The following PDCD6 variants were observed in gnomAD, a reference collection of about 807,000 sequenced individuals.
PDCD6 encodes the protein programmed cell death 6.
A neutral mutation model predicts 28.3 loss-of-function variants in PDCD6; 12 were observed. That is an observed-to-expected ratio of 0.42 (90% confidence interval 0.27 to 0.69). The LOEUF (loss-of-function observed/expected upper bound fraction) is 0.69, where lower values mean the gene tolerates loss of function less well. PDCD6 is among the 30% of genes least tolerant of loss of function. PDCD6 has a pLI of 0.22. For synonymous variants in PDCD6, 92 were observed against 108.0 expected, an observed-to-expected ratio of 0.85 and a Z score of 0.92; for missense variants, 226 against 269.9, an observed-to-expected ratio of 0.84 and a Z score of 1.14.
intron 2 of PDCD6, among the ~76,000 whole-genome samples, chr5:291,778 A>G (rs1467947036): frequency 6.6e-6 from 1 of 152,164 alleles, no homozygotes; most frequent in Non-Finnish European, 1.5e-5. Flanking sequence ...TGAGGGGAGC[A>G]TGGGAAATGT....
chr5:272,579 C>G (rs147791113), intron 1 of PDCD6, 132 bp from the exon 2 acceptor site: 199,575 of 1,029,900 alleles, frequency 0.19, 22,099 homozygotes, highest in African/African-American at 0.44. Flanking sequence ...CGCTGTACTC[C>G]TCAGCGGGAC....
intron 2 of PDCD6, among the ~76,000 whole-genome samples, chr5:279,614 A>G (rs555654035): frequency 8.5e-5 from 13 of 152,146 alleles, no homozygotes; most frequent in African/African-American, 1.4e-4. Flanking sequence ...GCATTTCTCT[A>G]TCAGTCAGTT....
At chr5:299,316 G>A (rs1227481433) in intron 2 of PDCD6, among the ~76,000 whole-genome samples, 9 of 91,848 alleles carry the variant, frequency 9.8e-5, no homozygotes, top group Admixed American at 8.1e-4. Context: ...TGGGGCACCC[G>A]TTCCTGTGGC....
intron 2 of PDCD6, among the ~76,000 whole-genome samples, chr5:285,216 G>A (rs1158262888): frequency 1.3e-5 from 2 of 151,080 alleles, no homozygotes; most frequent in East Asian, 4.0e-4. Flanking sequence ...TAGTTTTAGG[G>A]CCGTGAAGCT....
chr5:274,915 A>T (rs1738090646), intron 2 of PDCD6, among the ~76,000 whole-genome samples: 1 of 152,142 alleles, frequency 6.6e-6, no homozygotes, highest in Admixed American at 6.5e-5. Context: ...TGCTTGAGAG[A>T]ATTGCCTGAT....
intron 4 of PDCD6, chr5:309,596 T>A (rs1740764045): frequency 1.3e-5 from 3 of 230,456 alleles, no homozygotes; most frequent in African/African-American, 8.2e-5. Context: ...ATGGCCGCCG[T>A]CCCCGTGCAC....
intron 2 of PDCD6, among the ~76,000 whole-genome samples, chr5:294,371 C>G (rs1238132476): frequency 1.4e-4 from 21 of 151,264 alleles, no homozygotes; most frequent in Non-Finnish European, 1.5e-5. Context: ...GTAAAAGCCC[C>G]AGTATTAAAG....
chr5:301,970 C>T (rs1461439719), intron 2 of PDCD6, among the ~76,000 whole-genome samples: 1 of 148,878 alleles, frequency 6.7e-6, no homozygotes, highest in African/African-American at 2.5e-5. Context: ...TCATCGAGTG[C>T]TGCTGTGTGT....
At chr5:272,474 A>G (rs1737890857) in intron 1 of PDCD6, among the ~76,000 whole-genome samples, 1 of 140,340 alleles carries the variant, frequency 7.1e-6, no homozygotes, top group Non-Finnish European at 1.5e-5. Flanking sequence ...CAGACAGGCC[A>G]GGAGAGGAAG....
intron 1 of PDCD6, among the ~76,000 whole-genome samples, chr5:272,038 G>A (rs1190642806): frequency 6.6e-6 from 1 of 151,790 alleles, no homozygotes; most frequent in African/African-American, 2.4e-5. Context: ...GTCCCCCGCG[G>A]TCTCCCCCGT....
intron 4 of PDCD6, chr5:310,710 AC>A (rs1740852308): frequency 6.5e-6 from 1 of 153,804 alleles, no homozygotes; most frequent in Non-Finnish European, 1.4e-5. Context: ...TTCCGAGGTC[AC>A]CCTGCCACTG....
intron 2 of PDCD6, among the ~76,000 whole-genome samples, chr5:290,653 G>C (rs1739260747): frequency 6.6e-6 from 1 of 152,222 alleles, no homozygotes; most frequent in South Asian, 2.1e-4. Flanking sequence ...CATTTTTCCT[G>C]TGAGGTTTCG....
At chr5:308,473 T>A (rs958508223) in intron 4 of PDCD6, 1 of 152,098 alleles carries the variant, frequency 6.6e-6, no homozygotes, top group Non-Finnish European at 1.5e-5. Flanking sequence ...TTTCCTGGGG[T>A]GCGGCATCCC....
Position 285,801 on chromosome 5 carries a change from G to A in PDCD6, c.163+13029G>A, listed in dbSNP as rs529364037. 5.9e-5 allele frequency among the ~76,000 whole-genome samples: 9 copies of A among 151,826 alleles called. No homozygotes were observed. The South Asian group carries it at 1.9e-3, about 32-fold the overall frequency. ...GAGATGTGCAGATGGAGACCCAGTG[G>A]GGGAGCTGATGTTCCAGTTTGAGGG... is the stretch of plus-strand genomic sequence containing the variant. On this transcript the variant is annotated intron_variant, in intron 2 of 5. Coordinates refer to ENST00000264933, the MANE Select transcript of PDCD6 (RefSeq NM_013232.4).
chr5:309,987 G>A lies in PDCD6; in HGVS notation c.368-1306G>A, dbSNP rs191249044. ...CCCGTGCACACCAGTGATGGCCGCCGTGCCCGTGCACCCCAGTGATGGCCG... is the reference window on the plus strand; with the variant it reads ...CCCGTGCACACCAGTGATGGCCGCCATGCCCGTGCACCCCAGTGATGGCCG... On this transcript the variant is annotated intron_variant, in intron 4 of 5. Transcript: ENST00000264933. 1.6e-3 allele frequency: 372 copies of A among 226,832 alleles called. 9 individuals carry two copies. The highest frequency in any genetic ancestry group is 2.4e-3 in the Non-Finnish European group (272 of 114,012). 14.1% of individuals were successfully genotyped at this position (226,832 alleles called of 1,614,324 possible).
chr5:286,228 G>A (rs569811462), intron 2 of PDCD6, among the ~76,000 whole-genome samples: 6 of 151,786 alleles, frequency 4.0e-5, no homozygotes, highest in South Asian at 4.2e-4. Context: ...TGCAGCTGGC[G>A]ACCTGGGCGG....
chr5:285,442 G>C (rs540104146), intron 2 of PDCD6, among the ~76,000 whole-genome samples: 5 of 151,582 alleles, frequency 3.3e-5, no homozygotes, highest in South Asian at 2.1e-4. Context: ...CGATGTTCCA[G>C]TTTGAGGGCC....
intron 2 of PDCD6, among the ~76,000 whole-genome samples, chr5:284,599 G>A (rs1738805056): frequency 6.6e-6 from 1 of 152,102 alleles, no homozygotes; most frequent in Non-Finnish European, 1.5e-5. Context: ...GGGCCATGAA[G>A]CTAGAGACCT....
At chr5:302,901 GT>G (rs1226613501) in intron 2 of PDCD6, among the ~76,000 whole-genome samples, 3 of 151,962 alleles carry the variant, frequency 2.0e-5, no homozygotes, top group Non-Finnish European at 4.4e-5. Context: ...TATGCCTCAG[GT>G]TCAGGTGCAC....
Sources: gnomAD v4.1 joint callset for allele counts (sites outside exome capture counted in the v4.1 genomes callset) on GRCh38, gnomAD v4.1.1 for gene constraint, MANE v1.5 for transcripts, NCBI Gene and HGNC (gene_info 2026-07-23, HGNC 2026-07-21) for gene names.